PLXDC2: variants seen among roughly 807,000 people sequenced by gnomAD.
PLXDC2 encodes plexin domain containing 2, also known as plexin domain-containing protein 2.
A neutral mutation model predicts 68.9 loss-of-function variants in PLXDC2; 40 were observed. That is an observed-to-expected ratio of 0.58 (90% CI 0.45 to 0.76). The LOEUF is 0.76. PLXDC2 is among the 30% of genes least tolerant of loss of function. The pLI is 0.00. For synonymous variants in PLXDC2, 243 were observed against 234.2 expected (o/e 1.04, Z -0.34); for missense variants, 644 against 661.9 (o/e 0.97, Z 0.30).
intron 4 of PLXDC2, among the ~76,000 whole-genome samples, chr10:20,119,064 A>G (rs980770496): frequency 1.3e-5 from 2 of 152,130 alleles, no homozygotes; most frequent in Admixed American, 1.3e-4. Flanking sequence ...TAATAAATAT[A>G]CTCATGAGAA....
At chr10:20,138,545 C>T (rs1156858610) in intron 4 of PLXDC2, among the ~76,000 whole-genome samples, 1 of 152,184 alleles carries the variant, frequency 6.6e-6, no homozygotes, top group Non-Finnish European at 1.5e-5. Flanking sequence ...TTATTAAATA[C>T]TTCATTTAAT....
intron 6 of PLXDC2, among the ~76,000 whole-genome samples, chr10:20,150,694 C>T (rs943148378): frequency 6.6e-6 from 1 of 152,168 alleles, no homozygotes; most frequent in African/African-American, 2.4e-5. Context: ...TTAGGTCTCA[C>T]CACCTGGAGG....
chr10:20,112,635 C>T (rs1216461814), intron 4 of PLXDC2, among the ~76,000 whole-genome samples: 1 of 152,216 alleles, frequency 6.6e-6, no homozygotes, highest in East Asian at 1.9e-4. Flanking sequence ...GGATTTATAA[C>T]ACTTAGAGAG....
intron 12 of PLXDC2, among the ~76,000 whole-genome samples, chr10:20,234,792 C>CA (rs1184841384): frequency 6.6e-6 from 1 of 151,242 alleles, no homozygotes; most frequent in Non-Finnish European, 1.5e-5. Context: ...CAGCAAATAG[C>CA]AAAAAGATTG....
At chr10:20,208,679 G>A (rs191787141) in intron 9 of PLXDC2, among the ~76,000 whole-genome samples, 3 of 152,052 alleles carry the variant, frequency 2.0e-5, no homozygotes, top group Non-Finnish European at 2.9e-5. Context: ...GCTTTCAAAC[G>A]TTCTCAACTA....
intron 1 of PLXDC2, among the ~76,000 whole-genome samples, chr10:19,912,006 C>A (rs1416430462): frequency 1.3e-5 from 2 of 152,170 alleles, no homozygotes; most frequent in African/African-American, 2.4e-5. Context: ...TCCACTCTAT[C>A]TTGGCTTATT....
Position 20,279,744 on chromosome 10 carries a change from C to T in PLXDC2, c.1515C>T (p.Gly505=), listed in dbSNP as rs757128816. Reference sequence around the variant, plus strand: ...GGCCTGCGATGAAGTTTAGAAGAGGCTCTGGACATCCTGCCTATGCTGAAG... The same window carrying T: ...GGCCTGCGATGAAGTTTAGAAGAGGTTCTGGACATCCTGCCTATGCTGAAG... ...SRWPAMKFRR[G]SGHPAYAEVE... is the part of the protein sequence containing the mutation. The change falls in exon 14 of 14, where the codon GGC becomes GGT. Residue 505 remains glycine (G), a synonymous_variant. Transcript: ENST00000377252. 1 of 1,613,950 alleles carries T rather than the reference C, an allele frequency of 6.2e-7. No homozygotes were observed.
chr10:19,958,967 TC>T (rs1564639426), intron 1 of PLXDC2, among the ~76,000 whole-genome samples: 1 of 152,186 alleles, frequency 6.6e-6, no homozygotes, highest in Non-Finnish European at 1.5e-5. Flanking sequence ...CACTAACAGA[TC>T]ATTAACCAGG....
chr10:20,237,369 T>C (rs1835448040), intron 12 of PLXDC2, among the ~76,000 whole-genome samples: 1 of 151,990 alleles, frequency 6.6e-6, no homozygotes. Flanking sequence ...ATCACTGTGA[T>C]TAAGAAAATG....
At chr10:20,100,596 TCTC>T (rs986505382) in intron 4 of PLXDC2, among the ~76,000 whole-genome samples, 2 of 152,162 alleles carry the variant, frequency 1.3e-5, no homozygotes, top group African/African-American at 2.4e-5. Flanking sequence ...CTGTTGCCCT[TCTC>T]CTCTCTCCCT....
At chr10:20,108,510 C>A in intron 4 of PLXDC2, among the ~76,000 whole-genome samples, 1 of 151,994 alleles carries the variant, frequency 6.6e-6, no homozygotes, top group East Asian at 1.9e-4. Context: ...ACAGTGGATA[C>A]GTATTATGTG....
chr10:20,125,834 G>A (rs1296792797), intron 4 of PLXDC2, among the ~76,000 whole-genome samples: 1 of 151,958 alleles, frequency 6.6e-6, no homozygotes, highest in Non-Finnish European at 1.5e-5. Context: ...CTCAACGAGA[G>A]TAAGTGATGA....
rs113602340 is a variant in PLXDC2, at chr10:20,047,658, C to A, written c.471+643C>A. 1.1e-3 allele frequency among the ~76,000 whole-genome samples: 162 copies of A among 152,250 alleles called. 1 individual carries two copies. The Middle Eastern group carries it at 0.014, about 13-fold the overall frequency. On this transcript the variant is annotated intron_variant, in intron 3 of 13. Transcript: ENST00000377252. Reference sequence around the variant, plus strand: ...TGAGAAGGAATATTAATACCAGCCTCCCTTTCCTTACATGGTCATAAATAG... The same window carrying A: ...TGAGAAGGAATATTAATACCAGCCTACCTTTCCTTACATGGTCATAAATAG...
chr10:20,210,699 G>T (rs1835058034), intron 9 of PLXDC2, among the ~76,000 whole-genome samples: 1 of 152,166 alleles, frequency 6.6e-6, no homozygotes, highest in South Asian at 2.1e-4. Flanking sequence ...AGGAAAAAGA[G>T]ATGAGTTAAA....
At chr10:20,165,378 C>T (rs1405008381) in intron 7 of PLXDC2, among the ~76,000 whole-genome samples, 1 of 152,056 alleles carries the variant, frequency 6.6e-6, no homozygotes, top group Admixed American at 6.6e-5. Flanking sequence ...GCTACACCCA[C>T]TAACTCGTCA....
chr10:20,248,784 C>G (rs1835633503), intron 13 of PLXDC2, among the ~76,000 whole-genome samples: 1 of 152,182 alleles, frequency 6.6e-6, no homozygotes. Context: ...GAATTATTAG[C>G]TACATTAGAA....
At chr10:19,944,993 G>A (rs992179182) in intron 1 of PLXDC2, among the ~76,000 whole-genome samples, 2 of 152,054 alleles carry the variant, frequency 1.3e-5, no homozygotes, top group Non-Finnish European at 2.9e-5. Context: ...CAGAAGCATT[G>A]GTTACTGCTT....
chr10:19,852,425 CAAAAAAAAAAAAAAAAAAAAAAAAA>C (rs61430454), intron 1 of PLXDC2, among the ~76,000 whole-genome samples: 1 of 61,928 alleles, frequency 1.6e-5, no homozygotes, highest in Non-Finnish European at 2.9e-5. Context: ...GACCCTGTCT[CAAAAAAAAAAAAAAAAAAAAAAAAA>C]AAAAAAAAAA....
intron 13 of PLXDC2, among the ~76,000 whole-genome samples, chr10:20,253,287 C>T (rs1389782372): frequency 6.6e-6 from 1 of 151,436 alleles, no homozygotes; most frequent in Non-Finnish European, 1.5e-5. Context: ...ATCACTTGAA[C>T]CTGGGAGAAG....
Sources: allele counts gnomAD v4.1 joint callset (sites outside exome capture counted in the v4.1 genomes callset), GRCh38; gene constraint gnomAD v4.1.1; transcripts MANE v1.5; gene names NCBI Gene and HGNC (gene_info 2026-07-23, HGNC 2026-07-21).